HEATR4: variants seen among roughly 807,000 people sequenced by gnomAD.
The protein encoded by HEATR4 is HEAT repeat-containing protein 4.
A neutral mutation model predicts 108.8 loss-of-function variants in HEATR4; 95 were observed. The observed-to-expected ratio is 0.87, with a 90% CI of 0.74 to 1.04. The LOEUF (loss-of-function observed/expected upper bound fraction) is 1.04, where lower values mean the gene tolerates loss of function less well. Ranked by LOEUF, HEATR4 falls within the 50% of genes least tolerant of loss-of-function variation. The pLI, the probability that HEATR4 is intolerant of heterozygous loss-of-function variation, is 0.00. For synonymous variants in HEATR4, 443 were observed against 459.4 expected (o/e 0.96, Z 0.46); for missense variants, 1,152 against 1,253.8 (o/e 0.92, Z 1.23).
At chr14:73,495,487 G>A (rs959933316) in intron 15 of HEATR4, 100 bp from the exon 16 acceptor site, 1 of 984,266 alleles carries the variant, frequency 1.0e-6, no homozygotes, top group Non-Finnish European at 1.5e-6. Flanking sequence ...GGAGGCTGAG[G>A]AGGGAGGATC....
At chr14:73,498,399 C>T in intron 13 of HEATR4, 55 bp from the exon 14 acceptor site, 5 of 1,452,950 alleles carry the variant, frequency 3.4e-6, no homozygotes, top group Non-Finnish European at 3.7e-6. Context: ...TATATTCTAG[C>T]ATCCAGAAAT....
At chr14:73,633,022 T>TTTTTTTA in the HEATR4 span, among the ~76,000 whole-genome samples, 1 of 147,214 alleles carries the variant, frequency 6.8e-6, no homozygotes, top group African/African-American at 2.5e-5. Flanking sequence ...TTTTTTTTTT[T>TTTTTTTA]GAGATGGGGT....
At chr14:73,606,047 C>T in the HEATR4 span, among the ~76,000 whole-genome samples, 1 of 152,152 alleles carries the variant, frequency 6.6e-6, no homozygotes, top group Non-Finnish European at 1.5e-5. Flanking sequence ...CTTCAATTCC[C>T]TGTGATTTCA....
At chr14:73,612,877 C>T in the HEATR4 span, 1 of 1,397,706 alleles carries the variant, frequency 7.2e-7, no homozygotes, top group Non-Finnish European at 9.6e-7. Flanking sequence ...GGACGCCCTT[C>T]GCCGTGGAGC....
chr14:73,629,515 C>G, the HEATR4 span, among the ~76,000 whole-genome samples: 1 of 152,158 alleles, frequency 6.6e-6, no homozygotes, highest in Non-Finnish European at 1.5e-5. Context: ...CTTCACTGAC[C>G]ACTTGGCTCT....
At chr14:73,603,529 AT>A in the HEATR4 span, among the ~76,000 whole-genome samples, 1 of 151,666 alleles carries the variant, frequency 6.6e-6, no homozygotes, top group Non-Finnish European at 1.5e-5. Context: ...TAATTTTTGT[AT>A]TTTTAGTATA....
chr14:73,499,297 A>G (rs1886284444), intron 12 of HEATR4, among the ~76,000 whole-genome samples, 157 bp from the exon 13 acceptor site: 1 of 152,160 alleles, frequency 6.6e-6, no homozygotes, highest in Non-Finnish European at 1.5e-5. Flanking sequence ...CCTGGCCAAC[A>G]TGGTGAAACC....
At chr14:73,484,032 T>C (rs1218603005) in intron 17 of HEATR4, among the ~76,000 whole-genome samples, 1 of 151,970 alleles carries the variant, frequency 6.6e-6, no homozygotes, top group East Asian at 1.9e-4. Context: ...TTTTTCTTTA[T>C]TTTCAGTAGA....
the HEATR4 span, among the ~76,000 whole-genome samples, chr14:73,564,158 C>T: frequency 6.6e-6 from 1 of 151,582 alleles, no homozygotes; most frequent in African/African-American, 2.4e-5. Flanking sequence ...ATCAGCTGGC[C>T]GTGGTGGCAT....
chr14:73,595,438 C>T, the HEATR4 span: 1 of 1,614,196 alleles, frequency 6.2e-7, no homozygotes, highest in Admixed American at 1.7e-5. Context: ...AGGAAAAACC[C>T]CAGATCATCT....
rs527624720 is a variant in HEATR4, at chr14:73,510,430, G to A, written c.1559-957C>T. Among the ~76,000 whole-genome samples the A allele has an allele frequency of 2.6e-4, 37 of 139,778 alleles. 1 individual carries two copies. The South Asian group carries it at 4.4e-3, about 17-fold the overall frequency. The allele number at this position is 139,778 out of a possible 152,430, so 91.7% of individuals were successfully genotyped here. On this transcript the variant is annotated intron_variant, in intron 7 of 17. Transcript: ENST00000553558. ...CATCCCTGTTGGCTGGAGTTTTTTT[G>A]TTTTTGTTTTTGTTTTTTTTTTGAG...
the HEATR4 span, chr14:73,595,497 GCCCAGCTTCCCTTCA>G: frequency 6.2e-7 from 1 of 1,613,740 alleles, no homozygotes; most frequent in Non-Finnish European, 8.5e-7. Context: ...TTCCCCCTGT[GCCCAGCTTCCCTTCA>G]CAGATTACTG....
the HEATR4 span, chr14:73,575,679 A>T: frequency 1.6e-6 from 1 of 628,544 alleles, no homozygotes; most frequent in East Asian, 2.7e-5. Context: ...AGATTTTTAT[A>T]AACTGTATAC....
rs1333814984 is a variant in HEATR4 at position 73,538,743 on chromosome 14, C to T, written c.-151-8499G>A. On this transcript the variant is annotated intron_variant, in intron 1 of 17. Coordinates refer to ENST00000553558, the MANE Select transcript of HEATR4 (RefSeq NM_001220484.1). ...CTGTAATCCTAGCACTTTGGGAGGC[C>T]GAGGCAGGCGGATCAAGAGTTCGAG... Among the ~76,000 whole-genome samples, 14 of 113,766 alleles carry T rather than the reference C, an allele frequency of 1.2e-4. 2 individuals are homozygous for T. The highest frequency in any genetic ancestry group is 4.0e-4 in the African/African-American group (14 of 34,896). The allele number at this position is 113,766 out of a possible 152,430, so 74.6% of individuals were successfully genotyped here.
chr14:73,588,886 A>T, the HEATR4 span, among the ~76,000 whole-genome samples: 3 of 152,042 alleles, frequency 2.0e-5, no homozygotes, highest in African/African-American at 7.2e-5. Context: ...CTATCAACTG[A>T]GCTATCTGGG....
At chr14:73,504,943 T>G (rs1205870310) in intron 10 of HEATR4, among the ~76,000 whole-genome samples, 1 of 152,158 alleles carries the variant, frequency 6.6e-6, no homozygotes, top group Non-Finnish European at 1.5e-5. Context: ...TGGTTTGTTT[T>G]TTTTTTTAGA....
chr14:73,614,026 CAAAAAAAAA>C, the HEATR4 span, among the ~76,000 whole-genome samples: 3 of 92,994 alleles, frequency 3.2e-5, no homozygotes, highest in Non-Finnish European at 4.3e-5. Context: ...TCTGTCTCTA[CAAAAAAAAA>C]AAAAAAAAAA....
upstream of HEATR4, among the ~76,000 whole-genome samples, chr14:73,560,599 T>C (rs1438992506): frequency 6.6e-6 from 1 of 150,894 alleles, no homozygotes; most frequent in African/African-American, 2.4e-5. Flanking sequence ...GAGGCGGAGC[T>C]TGCAGTGAGC....
chr14:73,506,802 C>CTTTTTTTTTTTTTTTTTTTTTT (rs1470976246), intron 9 of HEATR4, among the ~76,000 whole-genome samples: 4 of 58,026 alleles, frequency 6.9e-5, no homozygotes, highest in African/African-American at 3.1e-4. Flanking sequence ...CTGACTTTAA[C>CTTTTTTTTTTTTTTTTTTTTTT]TGTTTTTTTT....
Sources: allele counts gnomAD v4.1 joint callset (sites outside exome capture counted in the v4.1 genomes callset), GRCh38; gene constraint gnomAD v4.1.1; transcripts MANE v1.5; gene names NCBI Gene and HGNC (gene_info 2026-07-23, HGNC 2026-07-21).